The following FBXO4 variants were observed in gnomAD, a reference collection of about 807,000 sequenced individuals.
FBXO4 encodes the protein F-box protein 4.
In FBXO4, 36 loss-of-function variants were observed where a neutral mutation model predicts 43.7. The observed-to-expected ratio is 0.82, with a 90% CI of 0.63 to 1.09. The LOEUF is 1.09. Among genes scored for constraint, FBXO4 ranks in the 50% least tolerant of loss-of-function variants. The probability of loss-of-function intolerance (pLI) is 0.00; values close to 1 mark genes in which losing one functional copy is unlikely to be tolerated. For missense variants in FBXO4, 435 were observed against 474.1 expected, an observed-to-expected ratio of 0.92 and a Z score of 0.77; for synonymous variants, 180 against 165.6, an observed-to-expected ratio of 1.09 and a Z score of -0.67.
the FBXO4 span, among the ~76,000 whole-genome samples, chr5:42,039,712 G>C: frequency 3.9e-5 from 6 of 152,046 alleles, no homozygotes; most frequent in Non-Finnish European, 7.4e-5. Context: ...GTACTTCCGT[G>C]ATAATGTTAC....
At chr5:42,022,464 A>G in the FBXO4 span, among the ~76,000 whole-genome samples, 4 of 152,102 alleles carry the variant, frequency 2.6e-5, no homozygotes, top group African/African-American at 4.8e-5. Context: ...AAAATATTCA[A>G]TTTGCAACAA....
At chr5:42,027,000 G>A in the FBXO4 span, among the ~76,000 whole-genome samples, 3 of 151,836 alleles carry the variant, frequency 2.0e-5, no homozygotes, top group African/African-American at 7.2e-5. Flanking sequence ...ATATTGGCCT[G>A]TAGTTTTCTT....
the FBXO4 span, among the ~76,000 whole-genome samples, chr5:42,013,669 T>C: frequency 6.6e-6 from 1 of 152,234 alleles, no homozygotes; most frequent in Non-Finnish European, 1.5e-5. Flanking sequence ...TGCACACGCT[T>C]AAGCGCTGCA....
chr5:41,950,913 G>A, the FBXO4 span, among the ~76,000 whole-genome samples: 17 of 152,142 alleles, frequency 1.1e-4, no homozygotes, highest in Non-Finnish European at 1.9e-4. Flanking sequence ...TCCTTTGCAG[G>A]GGCATGGATG....
chr5:42,023,066 C>G, the FBXO4 span, among the ~76,000 whole-genome samples: 1 of 151,992 alleles, frequency 6.6e-6, no homozygotes, highest in African/African-American at 2.4e-5. Context: ...ACACTTGATG[C>G]ACTCCATTGT....
At chr5:42,039,639 T>C in the FBXO4 span, among the ~76,000 whole-genome samples, 2 of 152,182 alleles carry the variant, frequency 1.3e-5, no homozygotes, top group East Asian at 3.9e-4. Flanking sequence ...AACCCTCCTA[T>C]TGAGTGTGGG....
At chr5:41,955,284 G>A in the FBXO4 span, among the ~76,000 whole-genome samples, 2 of 152,014 alleles carry the variant, frequency 1.3e-5, no homozygotes, top group Non-Finnish European at 2.9e-5. Flanking sequence ...GAAACATCAG[G>A]ATTTCAATCA....
rs373408358 is a variant in FBXO4 at position 41,929,809 on chromosome 5, G to A, written c.538G>A (p.Ala180Thr). ...GATCATTCAGAATGAACCACGATTT[G>A]CTATGTTTGGACCAGGTTTGGAAGA... ...SLIIQNEPRF[A>T]MFGPGLEELN... Residue 180 changes from alanine (A) to threonine (T), a missense_variant, in exon 3 of 7, where the codon GCT becomes ACT. Physicochemically the swap from Ala to Thr is moderately conservative, Grantham distance 58. Transcript: ENST00000281623. 3.0e-5 allele frequency: 48 copies of A among 1,613,992 alleles called. No individual in the cohort carries two copies. Among genetic ancestry groups the A allele is most frequent in the Non-Finnish European group, 3.8e-5 (45 of 1,180,028 alleles).
At chr5:41,999,463 GTGTA>G in the FBXO4 span, among the ~76,000 whole-genome samples, 3 of 66,942 alleles carry the variant, frequency 4.5e-5, no homozygotes, top group Admixed American at 2.3e-4. Context: ...GTGTGTGTGT[GTGTA>G]TATATATATA....
At chr5:42,000,840 C>A in the FBXO4 span, among the ~76,000 whole-genome samples, 1 of 152,046 alleles carries the variant, frequency 6.6e-6, no homozygotes, top group East Asian at 1.9e-4. Context: ...ACCATCTTTC[C>A]CCCATTGTGT....
At chr5:41,959,386 T>A in the FBXO4 span, among the ~76,000 whole-genome samples, 1 of 152,146 alleles carries the variant, frequency 6.6e-6, no homozygotes, top group African/African-American at 2.4e-5. Context: ...TTGCGAAAGT[T>A]TTTCACTTTG....
the FBXO4 span, among the ~76,000 whole-genome samples, chr5:42,008,615 C>T: frequency 1.3e-5 from 2 of 152,102 alleles, no homozygotes; most frequent in South Asian, 2.1e-4. Context: ...GTTATATTGC[C>T]TCTTTGTGTG....
the FBXO4 span, among the ~76,000 whole-genome samples, chr5:41,948,216 A>T: frequency 1.3e-5 from 2 of 151,426 alleles, no homozygotes. Flanking sequence ...GCTCACTGCA[A>T]GCTCTGCCTC....
At chr5:42,005,262 T>C in the FBXO4 span, among the ~76,000 whole-genome samples, 109 of 152,298 alleles carry the variant, frequency 7.2e-4, no homozygotes, top group African/African-American at 2.5e-3. Context: ...TACCTTGTTC[T>C]CCCTTGTTCA....
chr5:42,032,944 C>A, the FBXO4 span, among the ~76,000 whole-genome samples: 1 of 152,124 alleles, frequency 6.6e-6, no homozygotes, highest in African/African-American at 2.4e-5. Context: ...CTTCAATTAG[C>A]AAATGATGAA....
the FBXO4 span, chr5:41,951,527 T>C: frequency 3.8e-6 from 1 of 262,650 alleles, no homozygotes; most frequent in Non-Finnish European, 7.3e-6. Flanking sequence ...CTGAAATTCC[T>C]CCTTGGTCAC....
At chr5:41,994,334 A>G in the FBXO4 span, among the ~76,000 whole-genome samples, 1 of 152,212 alleles carries the variant, frequency 6.6e-6, no homozygotes, top group Non-Finnish European at 1.5e-5. Context: ...ACATGTTTTT[A>G]ACAAAAGAAG....
the FBXO4 span, among the ~76,000 whole-genome samples, chr5:41,979,035 G>T: frequency 6.6e-6 from 1 of 152,112 alleles, no homozygotes; most frequent in Admixed American, 6.5e-5. Flanking sequence ...AGACTGTGTA[G>T]TCTTTTTACA....
At chr5:41,975,455 GT>G in the FBXO4 span, among the ~76,000 whole-genome samples, 1,763 of 152,252 alleles carry the variant, frequency 0.012, 76 homozygotes, top group Admixed American at 0.074. Context: ...TCTAAAGTAA[GT>G]TTGCTCAATA....
Sources: allele counts gnomAD v4.1 joint callset (sites outside exome capture counted in the v4.1 genomes callset), GRCh38; gene constraint gnomAD v4.1.1; transcripts MANE v1.5; gene names NCBI Gene and HGNC (gene_info 2026-07-23, HGNC 2026-07-21).